CPLANE1: variants seen among roughly 807,000 people sequenced by gnomAD.
CPLANE1 encodes ciliogenesis and planar polarity effector complex subunit 1.
Under a neutral mutation model 362.5 loss-of-function variants are expected in CPLANE1, and 263 were observed. The observed-to-expected ratio is 0.73, with a 90% CI of 0.66 to 0.80. CPLANE1 has a LOEUF of 0.80. CPLANE1 is among the 30% of genes least tolerant of loss of function. The pLI, the probability that CPLANE1 is intolerant of heterozygous loss-of-function variation, is 0.00. For missense variants in CPLANE1, 3,461 were observed against 3,793.4 expected (o/e 0.91, Z 2.30); for synonymous variants, 1,212 against 1,302.6 (o/e 0.93, Z 1.50).
At chr5:37,184,473 A>AT (rs1314319780) in intron 25 of CPLANE1, among the ~76,000 whole-genome samples, 2 of 152,142 alleles carry the variant, frequency 1.3e-5, no homozygotes, top group African/African-American at 4.8e-5. Flanking sequence ...ACCTCAAACT[A>AT]TTTAAGTCTA....
chr5:37,104,768 C>A (rs1389303070), downstream of CPLANE1, among the ~76,000 whole-genome samples: 4 of 150,608 alleles, frequency 2.7e-5, no homozygotes, highest in African/African-American at 4.9e-5. Flanking sequence ...CACACACACA[C>A]AAAAATTAGC....
chr5:37,166,364 T>C (rs1778239397), intron 35 of CPLANE1, among the ~76,000 whole-genome samples: 1 of 152,166 alleles, frequency 6.6e-6, no homozygotes, highest in Non-Finnish European at 1.5e-5. Flanking sequence ...TACGGTAAGA[T>C]GATTGGTTCA....
intron 46 of CPLANE1, among the ~76,000 whole-genome samples, chr5:37,133,969 TC>T (rs1766764879): frequency 6.6e-6 from 1 of 152,240 alleles, no homozygotes; most frequent in South Asian, 2.1e-4. Context: ...CAATCTTGCA[TC>T]CTAGAAATGA....
chr5:37,209,440 C>T lies in CPLANE1; in HGVS notation c.2921-3015G>A. 1 of 1,312,104 alleles carries T rather than the reference C, an allele frequency of 7.6e-7. No homozygotes were observed. Among genetic ancestry groups the T allele is most frequent in the East Asian group, 2.3e-5 (1 of 43,336 alleles). 81.3% of individuals were successfully genotyped at this position (1,312,104 alleles called of 1,614,324 possible). The stretch of plus-strand genomic sequence containing the variant: ...GAACTGCGCAAAAAGCTATACCAGA[C>T]ATTTAAGGATCGGGGTATACTGGAA... On this transcript the variant is annotated intron_variant, in intron 16 of 52. Coordinates refer to ENST00000651892, the MANE Select transcript of CPLANE1 (RefSeq NM_001384732.1). This position sits in a 1 kb window ranked among gnomAD's most constrained non-coding sequence, Gnocchi z 4.6.
intron 46 of CPLANE1, 167 bp downstream of exon 46, chr5:37,138,553 T>C (rs753127758): frequency 1.3e-5 from 10 of 774,464 alleles, no homozygotes; most frequent in Middle Eastern, 4.7e-4. Flanking sequence ...TATATATTGT[T>C]AGAGAAAAGG....
intron 37 of CPLANE1, among the ~76,000 whole-genome samples, chr5:37,163,582 T>C (rs974543636): frequency 1.6e-4 from 24 of 152,286 alleles, no homozygotes; most frequent in Non-Finnish European, 2.6e-4. Context: ...TGGAGCATTG[T>C]GGTATAATGA....
rs1407685518 is a variant in CPLANE1, at chr5:37,114,972, T to C, written c.9388A>G (p.Thr3130Ala). The C allele has an allele frequency of 2.5e-6, 4 of 1,606,008 alleles. No homozygotes were observed. The highest frequency in any genetic ancestry group is 3.4e-6 in the Non-Finnish European group (4 of 1,173,804). The change falls in exon 51 of 53, where the codon ACC becomes GCC. Residue 3130 changes from threonine to alanine, a missense_variant. Thr to Ala is a moderately conservative substitution (Grantham distance 58). This residue lies in a region of CPLANE1 where 3,380 missense variants were observed against 3,666.1 expected (regional missense o/e 0.92). Transcript: ENST00000651892. Reference sequence around the variant, plus strand: ...CTTTATCCCTTACCTTTTTGGAAGGTAACTGGAGACTGCGTAGCCTTTCTT... The same window carrying C: ...CTTTATCCCTTACCTTTTTGGAAGGCAACTGGAGACTGCGTAGCCTTTCTT... ...AVRKATQSPV[T>A]FQKGSNAPCH...
chr5:37,096,287 C>T, the CPLANE1 span, among the ~76,000 whole-genome samples: 56 of 152,040 alleles, frequency 3.7e-4, no homozygotes, highest in Admixed American at 2.6e-4. Context: ...ACAAAGCAAA[C>T]GAAAACATAA....
chr5:37,234,501 TA>T (rs955014538), intron 8 of CPLANE1, among the ~76,000 whole-genome samples: 4 of 91,548 alleles, frequency 4.4e-5, no homozygotes, highest in African/African-American at 1.8e-4. Context: ...CAGACAAAAA[TA>T]AGAAAAAAAA....
chr5:37,167,402 G>C (rs1778551063), intron 34 of CPLANE1, among the ~76,000 whole-genome samples, 189 bp from the exon 35 acceptor site: 1 of 152,322 alleles, frequency 6.6e-6, no homozygotes, highest in Admixed American at 6.5e-5. Context: ...GTGATTTAAA[G>C]TGCTGAAAGT....
intron 21 of CPLANE1, among the ~76,000 whole-genome samples, chr5:37,191,287 C>T (rs1348925099): frequency 6.6e-6 from 1 of 152,134 alleles, no homozygotes; most frequent in Non-Finnish European, 1.5e-5. Context: ...AATCGTAGCA[C>T]TTCGGCAGGC....
chr5:37,231,486 G>C (rs1389784850), intron 8 of CPLANE1, among the ~76,000 whole-genome samples: 1 of 152,152 alleles, frequency 6.6e-6, no homozygotes, highest in Admixed American at 6.5e-5. Context: ...AGAATGGCTT[G>C]AACTGGGGAG....
chr5:37,205,093 T>C (rs1580715571), intron 18 of CPLANE1: 1 of 260,418 alleles, frequency 3.8e-6, no homozygotes, highest in East Asian at 7.1e-5. Context: ...GCAGGTAGAG[T>C]TTGCAGTGAG....
chr5:37,090,852 G>A, the CPLANE1 span, among the ~76,000 whole-genome samples: 12 of 152,122 alleles, frequency 7.9e-5, no homozygotes, highest in East Asian at 5.8e-4. Flanking sequence ...AATTAAGTCC[G>A]CTCTTGAGCC....
chr5:37,176,434 G>A (rs1295401844), intron 30 of CPLANE1, among the ~76,000 whole-genome samples: 4 of 151,992 alleles, frequency 2.6e-5, no homozygotes, highest in Non-Finnish European at 5.9e-5. Flanking sequence ...TCAGGAGTTC[G>A]AGACCAGCCT....
chr5:37,150,352 T>C (rs1003862651), intron 42 of CPLANE1, among the ~76,000 whole-genome samples: 2 of 152,196 alleles, frequency 1.3e-5, no homozygotes, highest in South Asian at 2.1e-4. Context: ...GGAGCACCTA[T>C]GCTATCATGA....
At chr5:37,192,089 T>A (rs1785695640) in intron 21 of CPLANE1, among the ~76,000 whole-genome samples, 3 of 152,216 alleles carry the variant, frequency 2.0e-5, no homozygotes, top group South Asian at 2.1e-4. Context: ...TACCATTTTT[T>A]AAAATCTTTT....
At chr5:37,235,847 G>T (rs1338003804) in intron 8 of CPLANE1, among the ~76,000 whole-genome samples, 2 of 148,520 alleles carry the variant, frequency 1.3e-5, no homozygotes, top group Non-Finnish European at 3.0e-5. Context: ...TGGGATTACA[G>T]GCATGAGCCA....
chr5:37,223,189 G>C (rs1013475640), intron 14 of CPLANE1, among the ~76,000 whole-genome samples: 4 of 152,024 alleles, frequency 2.6e-5, no homozygotes, highest in African/African-American at 4.8e-5. Flanking sequence ...GGTTTCTCAG[G>C]CCTTTTTGGT....
Sources: gnomAD v4.1 joint callset for allele counts (sites outside exome capture counted in the v4.1 genomes callset) on GRCh38, gnomAD v4.1.1 for gene constraint, gnomAD v4.1.1 regional missense constraint, Gnocchi (gnomAD v3.1) non-coding constraint, MANE v1.5 for transcripts, NCBI Gene and HGNC (gene_info 2026-07-23, HGNC 2026-07-21) for gene names.